The following ZBTB20 variants were observed in gnomAD, a reference collection of about 807,000 sequenced individuals.
ZBTB20 encodes the protein zinc finger and BTB domain-containing protein 20.
A neutral mutation model predicts 56.9 loss-of-function variants in ZBTB20; 9 were observed. That is an observed-to-expected ratio of 0.16 (90% CI 0.10 to 0.28). The LOEUF (loss-of-function observed/expected upper bound fraction) is 0.28, where lower values mean the gene tolerates loss of function less well. ZBTB20 is among the 10% of genes least tolerant of loss of function. The probability of loss-of-function intolerance (pLI) is 1.00; values close to 1 mark genes in which losing one functional copy is unlikely to be tolerated. For missense variants in ZBTB20, 655 were observed against 1,003.0 expected, an observed-to-expected ratio of 0.65 and a Z score of 4.69; for synonymous variants, 417 against 420.7, an observed-to-expected ratio of 0.99 and a Z score of 0.11.
At chr3:114,426,247 G>A (rs1386646683) in intron 7 of ZBTB20, among the ~76,000 whole-genome samples, 3 of 150,462 alleles carry the variant, frequency 2.0e-5, no homozygotes, top group Admixed American at 6.6e-5. Context: ...GCTGAGGCAG[G>A]AGAATGGCGT....
rs13316076 is a variant in ZBTB20 at position 114,569,309 on chromosome 3, C to T, written c.-294-68918G>A. ...GGAGCCAGTGGATAGATGGGAATTCCCAGGTGGACAGGAAGTTTGGGGTCA... is the reference window on the plus strand; with the variant it reads ...GGAGCCAGTGGATAGATGGGAATTCTCAGGTGGACAGGAAGTTTGGGGTCA... On this transcript the variant is annotated intron_variant, in intron 6 of 11. Transcript: ENST00000675478. Among the ~76,000 whole-genome samples, 339 of 152,204 alleles carry T rather than the reference C, an allele frequency of 2.2e-3. 1 individual carries two copies. Among genetic ancestry groups the T allele is most frequent in the African/African-American group, 7.7e-3 (319 of 41,510 alleles).
At chr3:114,681,158 ATTTT>A (rs10576152) in intron 6 of ZBTB20, among the ~76,000 whole-genome samples, 1 of 121,068 alleles carries the variant, frequency 8.3e-6, no homozygotes. Flanking sequence ...TGAGCGTATA[ATTTT>A]TTTTTTTTTT....
chr3:114,689,027 AGAG>A (rs2062533240), intron 6 of ZBTB20, among the ~76,000 whole-genome samples: 1 of 152,184 alleles, frequency 6.6e-6, no homozygotes, highest in African/African-American at 2.4e-5. Context: ...TCTCTAGGTA[AGAG>A]GAGAAAAATA....
intron 5 of ZBTB20, among the ~76,000 whole-genome samples, chr3:114,766,660 T>C (rs1375313849): frequency 6.6e-6 from 1 of 152,032 alleles, no homozygotes; most frequent in Non-Finnish European, 1.5e-5. Context: ...ATGAAGTTTG[T>C]TTGCTCTGTT....
intron 7 of ZBTB20, among the ~76,000 whole-genome samples, chr3:114,433,941 G>A (rs1188966737): frequency 2.0e-5 from 3 of 152,172 alleles, no homozygotes; most frequent in Non-Finnish European, 4.4e-5. Context: ...AGGCTGTGAG[G>A]GGAGGGATGT....
rs1368085251 is a variant in ZBTB20, at chr3:114,325,474, A to G, written c.*13531T>C. On this transcript the variant is annotated 3_prime_UTR_variant, in exon 12 of 12. Transcript: ENST00000675478. The stretch of plus-strand genomic sequence containing the variant: ...CGGGCCCGGATAGCACATTAGGTAT[A>G]GAAGTCAGGAGTTTCTACAATTTCT... 2 of 152,208 alleles carry G rather than the reference A, an allele frequency of 1.3e-5. No homozygotes were observed. The highest frequency in any genetic ancestry group is 2.1e-4 in the South Asian group (1 of 4,828). 9.4% of individuals were successfully genotyped at this position (152,208 alleles called of 1,614,324 possible).
intron 7 of ZBTB20, among the ~76,000 whole-genome samples, chr3:114,485,898 TA>T (rs1028884590): frequency 2.0e-5 from 3 of 152,178 alleles, no homozygotes; most frequent in African/African-American, 7.2e-5. Context: ...CTGTTGTTTA[TA>T]AATTACCCAG....
intron 2 of ZBTB20, among the ~76,000 whole-genome samples, chr3:115,006,460 G>GATATATATATATATATATATATATATAT (rs142153634): frequency 4.8e-5 from 7 of 144,374 alleles, no homozygotes; most frequent in African/African-American, 1.8e-4. Context: ...TATCCAGTTG[G>GATATATATATATATATATATATATATAT]ATATATATAT....
intron 6 of ZBTB20, among the ~76,000 whole-genome samples, chr3:114,625,960 T>C (rs1379418287): frequency 6.6e-6 from 1 of 152,060 alleles, no homozygotes; most frequent in Non-Finnish European, 1.5e-5. Context: ...CATATCTAGA[T>C]GAAGATGCCA....
intron 5 of ZBTB20, among the ~76,000 whole-genome samples, chr3:114,771,597 A>C (rs575950496): frequency 1.3e-5 from 2 of 152,324 alleles, no homozygotes; most frequent in South Asian, 4.1e-4. Context: ...CCTTAAGGAA[A>C]TGATATAATA....
intron 6 of ZBTB20, among the ~76,000 whole-genome samples, chr3:114,623,542 T>A (rs2058464047): frequency 6.6e-6 from 1 of 152,028 alleles, no homozygotes; most frequent in Non-Finnish European, 1.5e-5. Context: ...TTTCCAAAGG[T>A]CGGGTGTGGG....
intron 1 of ZBTB20, among the ~76,000 whole-genome samples, chr3:115,085,014 C>A (rs2082933204): frequency 6.6e-6 from 1 of 151,906 alleles, no homozygotes; most frequent in Non-Finnish European, 1.5e-5. Context: ...TCAAGGAATA[C>A]TGAAATTGGA....
At chr3:114,800,630 T>G (rs544399537) in intron 5 of ZBTB20, among the ~76,000 whole-genome samples, 2 of 152,030 alleles carry the variant, frequency 1.3e-5, no homozygotes, top group African/African-American at 4.8e-5. Context: ...GATGTCATCA[T>G]GAACTTTCTT....
intron 2 of ZBTB20, chr3:115,027,633 A>G (rs2080479468): frequency 6.6e-6 from 1 of 150,996 alleles, no homozygotes; most frequent in Admixed American, 6.6e-5. Flanking sequence ...ATAATTACCC[A>G]ATTTTGTTAA....
intron 5 of ZBTB20, among the ~76,000 whole-genome samples, chr3:114,792,522 C>T (rs971225202): frequency 6.6e-5 from 10 of 152,072 alleles, no homozygotes; most frequent in African/African-American, 7.2e-5. Flanking sequence ...TTCTAATTAC[C>T]GTAAAATTGT....
intron 4 of ZBTB20, among the ~76,000 whole-genome samples, chr3:114,847,076 T>C (rs1326375595): frequency 1.3e-5 from 2 of 152,202 alleles, no homozygotes; most frequent in African/African-American, 4.8e-5. Flanking sequence ...AAGTTTCATT[T>C]CACTCAAGCA....
At position 114,324,962 on chromosome 3, in the gene ZBTB20, GA is replaced by G. The variant is rs2079015371; in HGVS notation, c.*14042del. ...TAGTTTAAAATAGATTGTGGGAAAG[GA>G]ATTAAGCATAGTGGGGTCAGCACAC... is the stretch of plus-strand genomic sequence containing the variant. On this transcript the variant is annotated 3_prime_UTR_variant, in exon 12 of 12. Coordinates refer to ENST00000675478, the MANE Select transcript of ZBTB20 (RefSeq NM_001348800.3). The G allele has an allele frequency of 6.6e-6, 1 of 152,076 alleles. No homozygotes were observed. Among genetic ancestry groups the G allele is most frequent in the Admixed American group, 6.5e-5 (1 of 15,272 alleles). The allele number at this position is 152,076 out of a possible 1,614,324, so 9.4% of individuals were successfully genotyped here.
chr3:114,397,693 CAAGT>C (rs1381505150), intron 7 of ZBTB20, among the ~76,000 whole-genome samples: 1 of 151,980 alleles, frequency 6.6e-6, no homozygotes, highest in African/African-American at 2.4e-5. Flanking sequence ...GTTCCTCAGT[CAAGT>C]AAGTTTAGGA....
intron 10 of ZBTB20, among the ~76,000 whole-genome samples, chr3:114,372,569 C>T (rs2083151821): frequency 6.6e-6 from 1 of 152,172 alleles, no homozygotes; most frequent in African/African-American, 2.4e-5. Context: ...TGGCTCATGC[C>T]TGTAATCCCA....
Sources: allele counts gnomAD v4.1 joint callset (sites outside exome capture counted in the v4.1 genomes callset), GRCh38; gene constraint gnomAD v4.1.1; transcripts MANE v1.5; gene names NCBI Gene and HGNC (gene_info 2026-07-23, HGNC 2026-07-21).